EEPD1: variants seen among roughly 807,000 people sequenced by gnomAD.
EEPD1 encodes the protein endonuclease/exonuclease/phosphatase family domain containing 1.
A neutral mutation model predicts 46.3 loss-of-function variants in EEPD1; 17 were observed. The ratio of observed to expected loss-of-function variants is 0.37; its 90% confidence interval spans 0.25 to 0.55. EEPD1 has a LOEUF of 0.55. Among genes scored for constraint, EEPD1 ranks in the 20% least tolerant of loss-of-function variants. The pLI, the probability that EEPD1 is intolerant of heterozygous loss-of-function variation, is 0.83. For synonymous variants in EEPD1, 313 were observed against 315.6 expected (o/e 0.99, Z 0.09); for missense variants, 673 against 745.6 (o/e 0.90, Z 1.13).
intron 3 of EEPD1, among the ~76,000 whole-genome samples, chr7:36,254,944 A>G (rs1056706817): frequency 1.5e-4 from 23 of 152,124 alleles, no homozygotes; most frequent in Non-Finnish European, 2.9e-4. Context: ...TCTTTTGAGA[A>G]GTGTCTTTTC....
At chr7:36,167,394 C>T (rs1487239070) in intron 2 of EEPD1, among the ~76,000 whole-genome samples, 1 of 152,142 alleles carries the variant, frequency 6.6e-6, no homozygotes, top group Non-Finnish European at 1.5e-5. Flanking sequence ...GAGAAAGCTG[C>T]ATTTGAGTTC....
intron 2 of EEPD1, among the ~76,000 whole-genome samples, chr7:36,232,626 T>A (rs1046993801): frequency 6.7e-6 from 1 of 149,658 alleles, no homozygotes; most frequent in Non-Finnish European, 1.5e-5. Flanking sequence ...TTTTATCTCA[T>A]ATGCCGATTT....
chr7:36,249,418 GTATCTTAAGGAAATGATCGA>G (rs1373680233), intron 3 of EEPD1, among the ~76,000 whole-genome samples: 19 of 152,128 alleles, frequency 1.2e-4, no homozygotes, highest in Admixed American at 2.6e-4. Flanking sequence ...TCCTGGGACT[GTATCTTAAGGAAATGATCGA>G]TAAAAATGGA....
At position 36,295,952 on chromosome 7, in the gene EEPD1, A is replaced by G. The variant is rs1380152642; in HGVS notation, c.1316-1041A>G. On this transcript the variant is annotated intron_variant, in intron 6 of 7. Coordinates refer to ENST00000242108, the MANE Select transcript of EEPD1 (RefSeq NM_030636.3). ...AGGCTGAGGCAGGAGAATCGCTTGA[A>G]CCCAGGAGGCAGAGGTTGTAGTGAG... Among the ~76,000 whole-genome samples the G allele has an allele frequency of 7.2e-4, 98 of 136,662 alleles. 1 individual carries two copies. In the Middle Eastern group the frequency reaches 0.022, roughly 31 times the overall value. The allele number at this position is 136,662 out of a possible 152,430, so 89.7% of individuals were successfully genotyped here.
intron 2 of EEPD1, among the ~76,000 whole-genome samples, chr7:36,217,252 A>G (rs1214052391): frequency 6.6e-6 from 1 of 152,264 alleles, no homozygotes; most frequent in Non-Finnish European, 1.5e-5. Flanking sequence ...TTTCAGGGAA[A>G]GAGGTGGGCA....
At chr7:36,177,353 T>C (rs982773235) in intron 2 of EEPD1, among the ~76,000 whole-genome samples, 2 of 152,158 alleles carry the variant, frequency 1.3e-5, no homozygotes, top group African/African-American at 4.8e-5. Flanking sequence ...GTTTGGGGTA[T>C]GAATGACCCC....
intron 2 of EEPD1, among the ~76,000 whole-genome samples, chr7:36,198,569 A>T (rs1439533806): frequency 6.6e-6 from 1 of 152,208 alleles, no homozygotes; most frequent in African/African-American, 2.4e-5. Context: ...AGCTCACAAG[A>T]TGTGTTAGGT....
At chr7:36,202,231 A>G (rs925971734) in intron 2 of EEPD1, among the ~76,000 whole-genome samples, 6 of 152,214 alleles carry the variant, frequency 3.9e-5, no homozygotes, top group Admixed American at 1.3e-4. Flanking sequence ...AAAAATCTGC[A>G]GGACATGCAT....
chr7:36,202,232 G>A (rs1785723294), intron 2 of EEPD1, among the ~76,000 whole-genome samples: 1 of 152,186 alleles, frequency 6.6e-6, no homozygotes, highest in Non-Finnish European at 1.5e-5. Flanking sequence ...AAAATCTGCA[G>A]GACATGCATC....
At chr7:36,160,775 T>C (rs1462531165) in intron 2 of EEPD1, among the ~76,000 whole-genome samples, 1 of 151,220 alleles carries the variant, frequency 6.6e-6, no homozygotes, top group Non-Finnish European at 1.5e-5. Context: ...GATGGGGAAG[T>C]GGGCAGAGAT....
rs187111674 is a variant in EEPD1, at chr7:36,183,260, G to T, written c.878+28058G>T. The stretch of plus-strand genomic sequence containing the variant: ...CCAAAACCCAGCTCTCTTGGCACAG[G>T]TTGTGTACTTGGCTAATACAATTTA... On this transcript the variant is annotated intron_variant, in intron 2 of 7. Coordinates refer to ENST00000242108, the MANE Select transcript of EEPD1 (RefSeq NM_030636.3). 1.8e-3 allele frequency among the ~76,000 whole-genome samples: 277 copies of T among 152,318 alleles called. 2 individuals carry two copies. Among genetic ancestry groups the T allele is most frequent in the South Asian group, 0.017 (81 of 4,824 alleles).
rs928712116 is a variant in EEPD1 at position 36,264,554 on chromosome 7, C to T, written c.931-16561C>T. 4.6e-5 allele frequency among the ~76,000 whole-genome samples: 7 copies of T among 152,284 alleles called. No homozygotes were observed. The East Asian group carries it at 7.7e-4, about 17-fold the overall frequency. Reference sequence around the variant, plus strand: ...AGTCATTAATATGAAGTGTCTCTTCCTGGCCTGCAGGACACTGTCATGGCA... The same window carrying T: ...AGTCATTAATATGAAGTGTCTCTTCTTGGCCTGCAGGACACTGTCATGGCA... On this transcript the variant is annotated intron_variant, in intron 3 of 7. Coordinates refer to ENST00000242108, the MANE Select transcript of EEPD1 (RefSeq NM_030636.3).
chr7:36,232,183 T>C (rs1298207372), intron 2 of EEPD1, among the ~76,000 whole-genome samples: 2 of 151,996 alleles, frequency 1.3e-5, no homozygotes, highest in East Asian at 3.9e-4. Context: ...GGTTTTTTTT[T>C]TTTTTTGGTT....
At chr7:36,208,950 C>T (rs1421626878) in intron 2 of EEPD1, among the ~76,000 whole-genome samples, 1 of 152,178 alleles carries the variant, frequency 6.6e-6, no homozygotes, top group Admixed American at 6.5e-5. Context: ...GATCCCCGTG[C>T]ACGCTAAAGC....
chr7:36,199,310 A>C (rs1322256987), intron 2 of EEPD1, among the ~76,000 whole-genome samples: 1 of 152,076 alleles, frequency 6.6e-6, no homozygotes, highest in East Asian at 1.9e-4. Flanking sequence ...TGGTGATAAG[A>C]ATTTTTTGGG....
intron 2 of EEPD1, among the ~76,000 whole-genome samples, chr7:36,191,260 A>C (rs1315109116): frequency 2.0e-5 from 3 of 152,212 alleles, no homozygotes; most frequent in Admixed American, 6.5e-5. Context: ...AGTAAATAGG[A>C]CAAGTAGATA....
At chr7:36,157,648 G>A (rs185146111) in intron 2 of EEPD1, among the ~76,000 whole-genome samples, 9 of 152,254 alleles carry the variant, frequency 5.9e-5, no homozygotes, top group African/African-American at 2.2e-4. Context: ...GGCCAAATGT[G>A]TTGGAGGTTG....
rs1433908713 is a variant in EEPD1, at chr7:36,287,546, CTG to C, written c.1177-90_1177-89del. On this transcript the variant is annotated intron_variant, in intron 5 of 7. Coordinates refer to ENST00000242108, the MANE Select transcript of EEPD1 (RefSeq NM_030636.3). ...TTGTTCTTGTTTACCATTGTCAACT[CTG>C]TGCACAAAGCTATTTATGAGTCGGT... 2.6e-6 allele frequency: 4 copies of C among 1,514,514 alleles called. No individual in the cohort carries two copies. In the Admixed American group the frequency reaches 8.3e-5, roughly 32 times the overall value. 93.8% of individuals were successfully genotyped at this position (1,514,514 alleles called of 1,614,324 possible).
intron 2 of EEPD1, among the ~76,000 whole-genome samples, chr7:36,230,523 C>T (rs1463858526): frequency 6.6e-6 from 1 of 152,160 alleles, no homozygotes; most frequent in Non-Finnish European, 1.5e-5. Flanking sequence ...AGGCCATGCT[C>T]ACTCTGTCCC....
Sources: allele counts gnomAD v4.1 joint callset (sites outside exome capture counted in the v4.1 genomes callset), GRCh38; gene constraint gnomAD v4.1.1; transcripts MANE v1.5; gene names NCBI Gene and HGNC (gene_info 2026-07-23, HGNC 2026-07-21).